Variants in MID1 observed in about 807,000 individuals in gnomAD.
The protein encoded by MID1 is midline 1, also known as E3 ubiquitin-protein ligase Midline-1.
MID1 carries 7 observed loss-of-function variants against 40.4 expected under a neutral mutation model. That is an observed-to-expected ratio of 0.17 (90% CI 0.10 to 0.33). The LOEUF is 0.33. Among genes scored for constraint, MID1 ranks in the 10% least tolerant of loss-of-function variants. The pLI, the probability that MID1 is intolerant of heterozygous loss-of-function variation, is 1.00. For missense variants in MID1, 367 were observed against 558.5 expected (o/e 0.66, Z 3.46); for synonymous variants, 229 against 221.2 (o/e 1.04, Z -0.31).
intron 1 of MID1, among the ~76,000 whole-genome samples, chrX:10,612,215 T>C (rs1436266732): frequency 8.9e-6 from 1 of 111,794 alleles, no homozygotes; most frequent in Non-Finnish European, 1.9e-5. Context: ...CAGAAAGTCA[T>C]ACCCCTCTCA....
At chrX:10,500,643 G>C (rs758690155) in intron 3 of MID1, among the ~76,000 whole-genome samples, 7 of 112,162 alleles carry the variant, frequency 6.2e-5, no homozygotes, top group Non-Finnish European at 1.3e-4. Context: ...ATTTCTATTA[G>C]TTCAAATATG....
intron 1 of MID1, among the ~76,000 whole-genome samples, chrX:10,826,030 T>C (rs1247023916): frequency 9.0e-6 from 1 of 111,511 alleles, no homozygotes; most frequent in Non-Finnish European, 1.9e-5. Context: ...ATCACACAGC[T>C]ACTAAATGGA....
At chrX:10,720,018 C>T (rs753196019) in intron 1 of MID1, among the ~76,000 whole-genome samples, 1 of 111,846 alleles carries the variant, frequency 8.9e-6, no homozygotes, top group South Asian at 3.8e-4. Context: ...AAACTGCATC[C>T]CTTCCTTACA....
chrX:10,732,376 T>C (rs1307494376), intron 1 of MID1, among the ~76,000 whole-genome samples: 1 of 112,567 alleles, frequency 8.9e-6, no homozygotes, highest in Non-Finnish European at 1.9e-5. Context: ...AAAAATCATT[T>C]GTATTTCTAT....
intron 2 of MID1, among the ~76,000 whole-genome samples, chrX:10,554,955 A>C (rs748408967): frequency 8.9e-6 from 1 of 112,199 alleles, no homozygotes; most frequent in South Asian, 3.7e-4. Flanking sequence ...AGTTGGTAAA[A>C]ATTCCATAAC....
chrX:10,606,411 T>C (rs1935626898), intron 1 of MID1, among the ~76,000 whole-genome samples: 1 of 111,341 alleles, frequency 9.0e-6, no homozygotes, highest in South Asian at 3.7e-4. Context: ...TGTTGCCATG[T>C]AGACATAATT....
intron 1 of MID1, among the ~76,000 whole-genome samples, chrX:10,744,502 A>T (rs2043546046): frequency 9.0e-6 from 1 of 111,253 alleles, no homozygotes; most frequent in African/African-American, 3.3e-5. Context: ...AAGTGAGCTA[A>T]CTAGCCCCCA....
chrX:10,830,446 T>C (rs1267193876), intron 1 of MID1, among the ~76,000 whole-genome samples: 1 of 112,550 alleles, frequency 8.9e-6, no homozygotes, highest in African/African-American at 3.2e-5. Context: ...ACTCAATAAA[T>C]ATTTGCTGAA....
chrX:10,572,770 T>C (rs1261243331), intron 1 of MID1, among the ~76,000 whole-genome samples: 2 of 111,674 alleles, frequency 1.8e-5, no homozygotes, highest in Non-Finnish European at 1.9e-5. Flanking sequence ...GAGAAGAGGA[T>C]CTAGATAATC....
intron 2 of MID1, among the ~76,000 whole-genome samples, chrX:10,523,985 C>A (rs980653164): frequency 9.0e-6 from 1 of 111,691 alleles, no homozygotes; most frequent in Non-Finnish European, 1.9e-5. Context: ...ATATCAGGGA[C>A]TTGAGCATCC....
At chrX:10,528,260 G>T (rs1222833665) in intron 2 of MID1, among the ~76,000 whole-genome samples, 1 of 110,748 alleles carries the variant, frequency 9.0e-6, no homozygotes, top group Non-Finnish European at 1.9e-5. Context: ...TAATAAAATT[G>T]TCATTTCCAC....
chrX:10,672,224 CA>C (rs111982692), intron 1 of MID1, among the ~76,000 whole-genome samples: 6,844 of 94,881 alleles, frequency 0.072, 395 homozygotes, highest in African/African-American at 0.2. Context: ...GATCCTGTCT[CA>C]AAAAAAAAAA....
chrX:10,533,280 A>G, intron 2 of MID1, among the ~76,000 whole-genome samples: 1 of 105,513 alleles, frequency 9.5e-6, no homozygotes, highest in Non-Finnish European at 1.9e-5. Flanking sequence ...TTCCTTATTT[A>G]AAAAACAACC....
intron 1 of MID1, among the ~76,000 whole-genome samples, chrX:10,811,355 C>A (rs1254567695): frequency 4.5e-5 from 5 of 112,011 alleles, no homozygotes; most frequent in Admixed American, 9.5e-5. Context: ...TTGCTATGAG[C>A]CAAAGACTGT....
intron 3 of MID1, 142 bp downstream of exon 3, chrX:10,522,950 T>C (rs1932765228): frequency 6.0e-6 from 3 of 499,927 alleles, no homozygotes; most frequent in Middle Eastern, 4.2e-4. Flanking sequence ...TTTAATTTCC[T>C]CCATCTTTTA....
chrX:10,508,073 T>G (rs2147341658), intron 3 of MID1, among the ~76,000 whole-genome samples: 1 of 112,439 alleles, frequency 8.9e-6, no homozygotes, highest in East Asian at 2.8e-4. Context: ...GAAGCAAATC[T>G]TAGGGATTTG....
At chrX:10,660,002 C>T (rs2042900062) in intron 1 of MID1, among the ~76,000 whole-genome samples, 1 of 112,270 alleles carries the variant, frequency 8.9e-6, no homozygotes, top group South Asian at 3.7e-4. Context: ...TTCTGGATAG[C>T]ATTAACAGTT....
chrX:10,659,865 T>G (rs942363430), intron 1 of MID1, among the ~76,000 whole-genome samples: 1 of 112,098 alleles, frequency 8.9e-6, no homozygotes, highest in Admixed American at 9.5e-5. Flanking sequence ...TGTGTCACAG[T>G]ACATGCACAT....
chrX:10,671,180 C>G (rs1306375897), intron 1 of MID1, among the ~76,000 whole-genome samples: 2 of 111,914 alleles, frequency 1.8e-5, no homozygotes, highest in East Asian at 2.8e-4. Context: ...CTCCCGCCCC[C>G]ATTAAATGTA....
Sources: allele counts gnomAD v4.1 joint callset (sites outside exome capture counted in the v4.1 genomes callset), GRCh38; gene constraint gnomAD v4.1.1; transcripts MANE v1.5; gene names NCBI Gene and HGNC (gene_info 2026-07-23, HGNC 2026-07-21).